VWA8: variants seen among roughly 807,000 people sequenced by gnomAD.
VWA8 encodes von Willebrand factor A domain-containing protein 8.
In VWA8, 221 loss-of-function variants were observed where a neutral mutation model predicts 241.5. The ratio of observed to expected loss-of-function variants is 0.91; its 90% CI spans 0.82 to 1.02. The LOEUF (loss-of-function observed/expected upper bound fraction) is 1.02. VWA8 is among the 50% of genes least tolerant of loss of function. The pLI, the probability that VWA8 is intolerant of heterozygous loss-of-function variation, is 0.00. For synonymous variants in VWA8, 852 were observed against 827.1 expected (o/e 1.03, Z -0.52); for missense variants, 2,322 against 2,328.7 (o/e 1.00, Z 0.06).
intron 15 of VWA8, among the ~76,000 whole-genome samples, chr13:41,818,483 T>A (rs1593792620): frequency 6.6e-6 from 1 of 150,628 alleles, no homozygotes; most frequent in African/African-American, 2.4e-5. Flanking sequence ...GAGGCAGGAG[T>A]CTTGAACCCA....
chr13:41,572,519 T>C (rs1053492642), intron 43 of VWA8, among the ~76,000 whole-genome samples: 2 of 152,188 alleles, frequency 1.3e-5, no homozygotes, highest in African/African-American at 2.4e-5. Flanking sequence ...CTCTGAAACA[T>C]GTGCTGTGTC....
intron 22 of VWA8, among the ~76,000 whole-genome samples, chr13:41,730,575 G>A (rs1317004314): frequency 6.6e-6 from 1 of 152,086 alleles, no homozygotes; most frequent in African/African-American, 2.4e-5. Context: ...GCTTAGGTGG[G>A]AAGAGGAAAA....
chr13:41,675,306 A>G lies in VWA8; in HGVS notation c.4328-10T>C. ...TGTGGAGGAGTAACATCTACAAACA[A>G]GTCATGACATGAGCCAAGTATTAAA... is the stretch of plus-strand genomic sequence containing the variant. On this transcript the variant is annotated splice_polypyrimidine_tract_variant and intron_variant, in intron 35 of 44. Transcript: ENST00000379310. 6.3e-7 allele frequency: 1 copy of G among 1,599,720 alleles called. No homozygotes were observed. Among genetic ancestry groups the G allele is most frequent in the Non-Finnish European group, 8.5e-7 (1 of 1,169,996 alleles).
At chr13:41,740,797 A>G (rs746329437) in intron 21 of VWA8, among the ~76,000 whole-genome samples, 8 of 152,186 alleles carry the variant, frequency 5.3e-5, no homozygotes, top group Admixed American at 3.3e-4. Context: ...GATGTGGTTC[A>G]TTTGTCCCGT....
intron 26 of VWA8, among the ~76,000 whole-genome samples, chr13:41,712,327 C>T (rs866518727): frequency 2.6e-5 from 4 of 152,118 alleles, no homozygotes; most frequent in Admixed American, 6.5e-5. Context: ...GATCATTATA[C>T]ATTTCATGCA....
At chr13:41,719,186 T>G (rs1353548975) in intron 26 of VWA8, among the ~76,000 whole-genome samples, 1 of 151,956 alleles carries the variant, frequency 6.6e-6, no homozygotes, top group African/African-American at 2.4e-5. Context: ...TTTAGAAAAT[T>G]ATCATAAAGA....
At chr13:41,829,403 A>C (rs372378796) in intron 14 of VWA8, among the ~76,000 whole-genome samples, 36 of 152,198 alleles carry the variant, frequency 2.4e-4, no homozygotes, top group East Asian at 1.4e-3. Flanking sequence ...ATCTACCCCC[A>C]AAAAAAGATG....
chr13:41,659,357 A>T (rs1404440380), intron 37 of VWA8, among the ~76,000 whole-genome samples: 1 of 152,246 alleles, frequency 6.6e-6, no homozygotes, highest in South Asian at 2.1e-4. Flanking sequence ...TGTAAATTGC[A>T]GTAATAACAG....
intron 44 of VWA8, among the ~76,000 whole-genome samples, chr13:41,570,053 C>T (rs548098892): frequency 7.2e-4 from 109 of 152,090 alleles, no homozygotes; most frequent in African/African-American, 2.5e-3. Context: ...CTAATATGTA[C>T]AGACATTCAT....
At chr13:41,897,554 G>A (rs1291574560) in intron 4 of VWA8, among the ~76,000 whole-genome samples, 3 of 152,212 alleles carry the variant, frequency 2.0e-5, no homozygotes, top group Non-Finnish European at 4.4e-5. Context: ...GGACTGAATA[G>A]ATGTATTAAA....
intron 4 of VWA8, among the ~76,000 whole-genome samples, chr13:41,899,503 G>A (rs1398456190): frequency 6.6e-6 from 1 of 152,076 alleles, no homozygotes; most frequent in Non-Finnish European, 1.5e-5. Flanking sequence ...CTAGCCAAAA[G>A]GAGAAAATCT....
chr13:41,878,059 A>C (rs541816417), intron 9 of VWA8, among the ~76,000 whole-genome samples: 159 of 152,256 alleles, frequency 1.0e-3, no homozygotes, highest in African/African-American at 3.6e-3. Context: ...TAATTACACT[A>C]AAATTTAAAT....
At chr13:41,706,638 T>C (rs1179245175) in intron 26 of VWA8, among the ~76,000 whole-genome samples, 1 of 152,246 alleles carries the variant, frequency 6.6e-6, no homozygotes, top group African/African-American at 2.4e-5. Flanking sequence ...CATTGTATTA[T>C]ATTTCGGTAA....
At chr13:41,616,350 C>T (rs1224064335) in intron 37 of VWA8, among the ~76,000 whole-genome samples, 2 of 152,064 alleles carry the variant, frequency 1.3e-5, no homozygotes, top group Non-Finnish European at 2.9e-5. Context: ...AAGTTTTTGC[C>T]AAAACTTCAG....
At chr13:41,639,980 G>T (rs7988960) in intron 37 of VWA8, among the ~76,000 whole-genome samples, 4,930 of 152,256 alleles carry the variant, frequency 0.032, 90 homozygotes, top group South Asian at 0.078. Flanking sequence ...AGAAACATCA[G>T]CATAGCAAAT....
chr13:41,670,331 T>C (rs1452511027), intron 37 of VWA8, among the ~76,000 whole-genome samples: 3 of 151,526 alleles, frequency 2.0e-5, no homozygotes, highest in South Asian at 4.2e-4. Context: ...AGCAACTAGA[T>C]TGATTAGATG....
chr13:41,851,066 A>G (rs192568391), intron 12 of VWA8, among the ~76,000 whole-genome samples: 108 of 152,244 alleles, frequency 7.1e-4, no homozygotes, highest in Non-Finnish European at 1.3e-3. Flanking sequence ...TTAAGTATAC[A>G]ATATGGTATT....
chr13:41,603,189 C>T (rs78015663), intron 40 of VWA8, among the ~76,000 whole-genome samples: 1 of 152,112 alleles, frequency 6.6e-6, no homozygotes, highest in African/African-American at 2.4e-5. Context: ...TTACCTGAGA[C>T]CTTCAGAGTT....
At chr13:41,595,623 CTT>C (rs2044483222) in intron 40 of VWA8, among the ~76,000 whole-genome samples, 1 of 152,118 alleles carries the variant, frequency 6.6e-6, no homozygotes, top group Non-Finnish European at 1.5e-5. Context: ...AATATATACT[CTT>C]TTGTTTCTGG....
Sources: gnomAD v4.1 joint callset for allele counts (sites outside exome capture counted in the v4.1 genomes callset) on GRCh38, gnomAD v4.1.1 for gene constraint, MANE v1.5 for transcripts, NCBI Gene and HGNC (gene_info 2026-07-23, HGNC 2026-07-21) for gene names.